The following CTIF variants were observed in gnomAD, a reference collection of about 807,000 sequenced individuals.
The protein encoded by CTIF is cap binding complex dependent translation initiation factor.
A neutral mutation model predicts 66.0 loss-of-function variants in CTIF; 21 were observed. That is an observed-to-expected ratio of 0.32 (90% CI 0.23 to 0.46). The LOEUF (loss-of-function observed/expected upper bound fraction) is 0.46, where lower values mean the gene tolerates loss of function less well. Among genes scored for constraint, CTIF ranks in the 20% least tolerant of loss-of-function variants. CTIF has a pLI of 1.00. For synonymous variants in CTIF, 345 were observed against 326.4 expected (o/e 1.06, Z -0.62); for missense variants, 739 against 812.7 (o/e 0.91, Z 1.10).
intron 7 of CTIF, among the ~76,000 whole-genome samples, chr18:48,720,327 C>CTA (rs959489144): frequency 1.3e-5 from 2 of 152,152 alleles, no homozygotes; most frequent in African/African-American, 4.8e-5. Context: ...TTGACTGAGC[C>CTA]TATCACTGCT....
At chr18:48,587,702 A>G (rs2089802537) in intron 1 of CTIF, among the ~76,000 whole-genome samples, 1 of 152,160 alleles carries the variant, frequency 6.6e-6, no homozygotes. Flanking sequence ...AGCTCTAAAT[A>G]TCTGCAAGTT....
At chr18:48,738,541 T>C (rs182953903) in intron 7 of CTIF, among the ~76,000 whole-genome samples, 12,427 of 150,156 alleles carry the variant, frequency 0.083, 637 homozygotes, top group South Asian at 0.18. Flanking sequence ...CTGTTCCCCC[T>C]CCCCGGATTG....
intron 2 of CTIF, among the ~76,000 whole-genome samples, chr18:48,624,705 A>G (rs994232729): frequency 6.6e-6 from 1 of 152,214 alleles, no homozygotes; most frequent in African/African-American, 2.4e-5. Flanking sequence ...TGAACTATTC[A>G]TAAGCCTGTG....
rs1262207070 is a variant in CTIF at position 48,539,148 on chromosome 18, T to G, written c.-193T>G. 2.9e-5 allele frequency: 2 copies of G among 68,558 alleles called. No individual in the cohort carries two copies. The highest frequency in any genetic ancestry group is 5.4e-5 in the Non-Finnish European group (2 of 37,290). The allele number at this position is 68,558 out of a possible 1,614,324, so 4.2% of individuals were successfully genotyped here. ...TTCCCTTCCCTCCCTCCCTCCCCTCTCTGCTGGGTCTGTGCGCTGGGGCGC... is the reference window on the plus strand; with the variant it reads ...TTCCCTTCCCTCCCTCCCTCCCCTCGCTGCTGGGTCTGTGCGCTGGGGCGC... On this transcript the variant is annotated 5_prime_UTR_variant, in exon 1 of 12. Coordinates refer to ENST00000256413, the MANE Select transcript of CTIF (RefSeq NM_014772.3).
At chr18:48,794,478 G>A (rs1435453545) in intron 9 of CTIF, among the ~76,000 whole-genome samples, 1 of 152,200 alleles carries the variant, frequency 6.6e-6, no homozygotes, top group African/African-American at 2.4e-5. Context: ...TTGGGGCCGG[G>A]GGAGGGGTTG....
intron 10 of CTIF, among the ~76,000 whole-genome samples, chr18:48,840,179 A>T (rs1178189296): frequency 1.3e-5 from 2 of 152,216 alleles, no homozygotes; most frequent in Non-Finnish European, 2.9e-5. Context: ...TGCTCAGCCA[A>T]GAGAATTGTC....
chr18:48,803,778 G>A (rs916060865), intron 9 of CTIF, among the ~76,000 whole-genome samples: 5 of 152,228 alleles, frequency 3.3e-5, no homozygotes, highest in Non-Finnish European at 4.4e-5. Flanking sequence ...TTGGGGAGGG[G>A]GGGCTCTGTC....
intron 5 of CTIF, 95 bp from the exon 6 acceptor site, chr18:48,670,574 T>A: frequency 9.0e-7 from 1 of 1,109,388 alleles, no homozygotes; most frequent in African/African-American, 1.5e-5. Flanking sequence ...CAGCACCAGG[T>A]ATCTGCTGAC....
chr18:48,797,429 GC>G (rs1326848233), intron 9 of CTIF, among the ~76,000 whole-genome samples: 2 of 146,494 alleles, frequency 1.4e-5, no homozygotes, highest in Non-Finnish European at 3.0e-5. Flanking sequence ...GTTGCAGTGA[GC>G]CAAGATCGCA....
chr18:48,703,757 T>C (rs903620963), intron 6 of CTIF, among the ~76,000 whole-genome samples: 1 of 151,770 alleles, frequency 6.6e-6, no homozygotes, highest in Non-Finnish European at 1.5e-5. Context: ...GCCCGGGGAC[T>C]CCCCCTCCAC....
rs999998608 is a variant in CTIF at position 48,790,772 on chromosome 18, C to T, written c.1372-26449C>T. Among the ~76,000 whole-genome samples, 18 of 152,206 alleles carry T rather than the reference C, an allele frequency of 1.2e-4. 1 individual carries two copies. The highest frequency in any genetic ancestry group is 9.8e-4 in the Admixed American group (15 of 15,288). ...TTCAGACCCCGCCCGGCTGGAGCCACGGGCGCCTGCAGTCGCCACCCTGGA... is the reference window on the plus strand; with the variant it reads ...TTCAGACCCCGCCCGGCTGGAGCCATGGGCGCCTGCAGTCGCCACCCTGGA... On this transcript the variant is annotated intron_variant, in intron 9 of 11. Coordinates refer to ENST00000256413, the MANE Select transcript of CTIF (RefSeq NM_014772.3).
chr18:48,756,798 A>T, intron 7 of CTIF, among the ~76,000 whole-genome samples: 1 of 152,218 alleles, frequency 6.6e-6, no homozygotes, highest in East Asian at 1.9e-4. Context: ...GCCACAACTC[A>T]AAAGTTTGGG....
chr18:48,681,195 G>A (rs2091735352), intron 6 of CTIF, among the ~76,000 whole-genome samples: 1 of 152,242 alleles, frequency 6.6e-6, no homozygotes, highest in Non-Finnish European at 1.5e-5. Flanking sequence ...ATTGTGAGCT[G>A]CTGCACAATC....
intron 10 of CTIF, among the ~76,000 whole-genome samples, chr18:48,849,489 C>T (rs890504280): frequency 2.0e-5 from 3 of 151,722 alleles, no homozygotes; most frequent in East Asian, 1.9e-4. Context: ...TGAGCCACCC[C>T]GCTCAGCCTG....
chr18:48,645,478 T>C (rs1224317199), intron 3 of CTIF, among the ~76,000 whole-genome samples: 1 of 152,050 alleles, frequency 6.6e-6, no homozygotes, highest in East Asian at 1.9e-4. Flanking sequence ...CAAGACCAAG[T>C]GGGAGCTCAG....
intron 1 of CTIF, among the ~76,000 whole-genome samples, chr18:48,583,389 C>T (rs978058449): frequency 2.0e-5 from 3 of 152,304 alleles, no homozygotes; most frequent in African/African-American, 7.2e-5. Flanking sequence ...GTTTAGGCAT[C>T]ATGAGGATGA....
At chr18:48,853,009 A>C (rs1483168939) in intron 10 of CTIF, among the ~76,000 whole-genome samples, 1 of 152,026 alleles carries the variant, frequency 6.6e-6, no homozygotes, top group Non-Finnish European at 1.5e-5. Flanking sequence ...CATCTTTTCA[A>C]AGGTACGTGC....
intron 3 of CTIF, among the ~76,000 whole-genome samples, chr18:48,653,567 T>C (rs532815407): frequency 6.6e-6 from 1 of 152,314 alleles, no homozygotes; most frequent in South Asian, 2.1e-4. Context: ...AATTTATAGA[T>C]TCAATGCCAT....
chr18:48,729,474 G>A (rs1598936760), intron 7 of CTIF, among the ~76,000 whole-genome samples: 1 of 152,194 alleles, frequency 6.6e-6, no homozygotes, highest in African/African-American at 2.4e-5. Context: ...AATAAAGATG[G>A]CTCCCCCAGC....
Sources: gnomAD v4.1 joint callset for allele counts (sites outside exome capture counted in the v4.1 genomes callset) on GRCh38, gnomAD v4.1.1 for gene constraint, MANE v1.5 for transcripts, NCBI Gene and HGNC (gene_info 2026-07-23, HGNC 2026-07-21) for gene names.